Variants in SYNPR observed in about 807,000 individuals in gnomAD.
SYNPR encodes synaptoporin.
In SYNPR, 23 loss-of-function variants were observed where a neutral mutation model predicts 32.9. The ratio of observed to expected loss-of-function variants is 0.70; its 90% CI spans 0.50 to 0.99. The LOEUF is 0.99. Ranked by LOEUF, SYNPR falls within the 50% of genes least tolerant of loss-of-function variation. The pLI is 0.00. For missense variants in SYNPR, 318 were observed against 349.3 expected, an observed-to-expected ratio of 0.91 and a Z score of 0.71; for synonymous variants, 146 against 135.9, an observed-to-expected ratio of 1.07 and a Z score of -0.52.
chr3:63,459,976 A>C (rs1350491118), intron 2 of SYNPR, among the ~76,000 whole-genome samples: 1 of 151,870 alleles, frequency 6.6e-6, no homozygotes, highest in East Asian at 1.9e-4. Flanking sequence ...ACTTCTCTTC[A>C]TCTCCACTCT....
At chr3:63,253,281 T>TA (rs953642937) in intron 2 of SYNPR, among the ~76,000 whole-genome samples, 82 of 150,670 alleles carry the variant, frequency 5.4e-4, no homozygotes, top group South Asian at 1.9e-3. Flanking sequence ...AAATTCACAG[T>TA]AAAAAAAAAT....
intron 2 of SYNPR, among the ~76,000 whole-genome samples, chr3:63,450,217 C>A (rs1700353290): frequency 6.6e-6 from 1 of 152,076 alleles, no homozygotes; most frequent in African/African-American, 2.4e-5. Context: ...GCAAAAGCTG[C>A]AAGAAGCCCT....
chr3:63,481,185 G>A (rs954639111), intron 3 of SYNPR, among the ~76,000 whole-genome samples: 2 of 151,068 alleles, frequency 1.3e-5, no homozygotes, highest in African/African-American at 4.9e-5. Context: ...CAAAAAAAAA[G>A]AAAAAATACT....
intron 4 of SYNPR, among the ~76,000 whole-genome samples, chr3:63,603,395 T>C (rs1700072826): frequency 6.6e-6 from 1 of 152,158 alleles, no homozygotes; most frequent in Admixed American, 6.6e-5. Context: ...ATAGGAGTGG[T>C]TAGAGAGGGC....
At chr3:63,582,471 T>C (rs755163395) in intron 4 of SYNPR, among the ~76,000 whole-genome samples, 2 of 152,104 alleles carry the variant, frequency 1.3e-5, no homozygotes, top group African/African-American at 2.4e-5. Context: ...ATATGCAAAT[T>C]TAGCTAAGTG....
chr3:63,345,034 T>C (rs1358180531), intron 2 of SYNPR, among the ~76,000 whole-genome samples: 2 of 152,210 alleles, frequency 1.3e-5, no homozygotes, highest in Non-Finnish European at 2.9e-5. Flanking sequence ...TCTTAGGTCT[T>C]AGAATACTGA....
chr3:63,341,036 C>G (rs2087363500), intron 2 of SYNPR, among the ~76,000 whole-genome samples: 1 of 152,164 alleles, frequency 6.6e-6, no homozygotes, highest in Non-Finnish European at 1.5e-5. Context: ...ATCTAGTCAT[C>G]TCTCTCTTCC....
At chr3:63,344,588 A>G (rs2087412882) in intron 2 of SYNPR, among the ~76,000 whole-genome samples, 1 of 140,440 alleles carries the variant, frequency 7.1e-6, no homozygotes, top group Non-Finnish European at 1.5e-5. Context: ...TAATAAGAGT[A>G]GTTAGTGTGT....
chr3:63,287,164 G>A (rs1482537322), intron 2 of SYNPR, among the ~76,000 whole-genome samples: 3 of 152,174 alleles, frequency 2.0e-5, no homozygotes, highest in Admixed American at 6.6e-5. Flanking sequence ...CCTTAGGAGA[G>A]GGGAATGTGG....
intron 5 of SYNPR, among the ~76,000 whole-genome samples, chr3:63,612,189 C>T (rs778193280): frequency 3.3e-5 from 5 of 152,056 alleles, no homozygotes; most frequent in Admixed American, 6.5e-5. Context: ...GTACAACAGA[C>T]CTCAATACTG....
At chr3:63,390,541 T>A (rs879355706) in intron 2 of SYNPR, among the ~76,000 whole-genome samples, 6 of 152,188 alleles carry the variant, frequency 3.9e-5, no homozygotes, top group Non-Finnish European at 5.9e-5. Flanking sequence ...AATAGTACCA[T>A]GTGAGACGAA....
At chr3:63,276,940 C>T (rs532614930), upstream of SYNPR, among the ~76,000 whole-genome samples, 40 of 149,980 alleles carry the variant, frequency 2.7e-4, no homozygotes, top group Non-Finnish European at 5.0e-4. Context: ...CCATGAACTC[C>T]AAACCTTTTT....
At chr3:63,436,994 A>C (rs1481476712) in intron 2 of SYNPR, among the ~76,000 whole-genome samples, 1 of 152,114 alleles carries the variant, frequency 6.6e-6, no homozygotes, top group African/African-American at 2.4e-5. Context: ...CTCCTGCCTC[A>C]GCCTCCTGAG....
chr3:63,450,161 A>G (rs112495655), intron 2 of SYNPR, among the ~76,000 whole-genome samples: 18 of 152,264 alleles, frequency 1.2e-4, no homozygotes, highest in African/African-American at 4.3e-4. Context: ...GCCCACATAC[A>G]TTCTTAGAGT....
At chr3:63,313,271 G>A (rs982924249) in intron 2 of SYNPR, among the ~76,000 whole-genome samples, 1 of 151,728 alleles carries the variant, frequency 6.6e-6, no homozygotes, top group Non-Finnish European at 1.5e-5. Flanking sequence ...GGTCACATGA[G>A]TAAGTTCTGT....
intron 3 of SYNPR, among the ~76,000 whole-genome samples, chr3:63,552,565 C>A (rs1405625447): frequency 6.6e-6 from 1 of 152,126 alleles, no homozygotes; most frequent in Non-Finnish European, 1.5e-5. Context: ...CTTAAGGGGA[C>A]TGGATTTTCC....
At chr3:63,300,331 T>TTCTATCTAGCTATCTATCTA (rs2086831285) in intron 2 of SYNPR, among the ~76,000 whole-genome samples, 1 of 151,326 alleles carries the variant, frequency 6.6e-6, no homozygotes, top group Admixed American at 6.6e-5. Context: ...CATTCTTTGC[T>TTCTATCTAGCTATCTATCTA]TCTATCTATC....
At chr3:63,330,805 C>T (rs1393217230) in intron 2 of SYNPR, among the ~76,000 whole-genome samples, 1 of 152,056 alleles carries the variant, frequency 6.6e-6, no homozygotes, top group Non-Finnish European at 1.5e-5. Flanking sequence ...GGTTGTATAA[C>T]TTGCAGTTGA....
intron 3 of SYNPR, among the ~76,000 whole-genome samples, chr3:63,551,690 T>A (rs896156460): frequency 6.6e-6 from 1 of 152,158 alleles, no homozygotes; most frequent in Non-Finnish European, 1.5e-5. Context: ...ATTCCTATTA[T>A]CTTTAAATCT....
Sources: allele counts gnomAD v4.1 joint callset (sites outside exome capture counted in the v4.1 genomes callset), GRCh38; gene constraint gnomAD v4.1.1; transcripts MANE v1.5; gene names NCBI Gene and HGNC (gene_info 2026-07-23, HGNC 2026-07-21).